Variants in FSTL4 observed in about 807,000 individuals in gnomAD.
FSTL4 encodes follistatin like 4.
FSTL4 carries 28 observed loss-of-function variants against 78.2 expected under a neutral mutation model. The observed-to-expected ratio is 0.36, with a 90% confidence interval of 0.27 to 0.49. The LOEUF (loss-of-function observed/expected upper bound fraction) is 0.49, where lower values mean the gene tolerates loss of function less well. Among genes scored for constraint, FSTL4 ranks in the 20% least tolerant of loss-of-function variants. The pLI, the probability that FSTL4 is intolerant of heterozygous loss-of-function variation, is 0.98. For missense variants in FSTL4, 922 were observed against 1,084.9 expected, an observed-to-expected ratio of 0.85 and a Z score of 2.11; for synonymous variants, 422 against 440.5, an observed-to-expected ratio of 0.96 and a Z score of 0.53.
the FSTL4 span, among the ~76,000 whole-genome samples, chr5:133,637,975 A>C: frequency 2.6e-5 from 4 of 151,216 alleles, no homozygotes; most frequent in East Asian, 5.8e-4. Flanking sequence ...TAATAATAAT[A>C]ATAAATTAAT....
rs114600446 is a variant in FSTL4, at chr5:133,564,847, C to T, written c.160+2339G>A. Among the ~76,000 whole-genome samples, 581 of 152,286 alleles carry T rather than the reference C, an allele frequency of 3.8e-3. 4 individuals carry two copies. Among genetic ancestry groups the T allele is most frequent in the African/African-American group, 0.013 (559 of 41,558 alleles). ...CACTTTGCCCCTACTGTCGCTAGTT[C>T]CCACTATGATTTGGCTTGGACTCGA... On this transcript the variant is annotated intron_variant, in intron 3 of 15. Coordinates refer to ENST00000265342, the MANE Select transcript of FSTL4 (RefSeq NM_015082.2).
the FSTL4 span, among the ~76,000 whole-genome samples, chr5:133,674,327 CT>C: frequency 6.6e-6 from 1 of 152,144 alleles, no homozygotes; most frequent in Non-Finnish European, 1.5e-5. Context: ...TACTACAAAG[CT>C]TTTGGCTATC....
At chr5:133,692,568 C>A in the FSTL4 span, among the ~76,000 whole-genome samples, 8 of 152,206 alleles carry the variant, frequency 5.3e-5, no homozygotes, top group Middle Eastern at 3.2e-3. Context: ...ACACGGAGAA[C>A]CCCTTGAATA....
the FSTL4 span, among the ~76,000 whole-genome samples, chr5:133,694,126 T>A: frequency 2.0e-5 from 3 of 152,182 alleles, no homozygotes; most frequent in African/African-American, 7.2e-5. Flanking sequence ...CAGACTGAAA[T>A]ATTCCCTCCC....
chr5:133,233,505 G>A lies in FSTL4; in HGVS notation c.927C>T (p.Thr309=). 2 of 1,614,134 alleles carry A rather than the reference G, an allele frequency of 1.2e-6. No individual in the cohort carries two copies. Among genetic ancestry groups the A allele is most frequent in the Non-Finnish European group, 1.7e-6 (2 of 1,179,966 alleles). The change falls in exon 8 of 16, where the codon ACC becomes ACT. Residue 309 remains threonine (T), a synonymous_variant. Coordinates refer to ENST00000265342, the MANE Select transcript of FSTL4 (RefSeq NM_015082.2). ...TGCCCATGTGGATGGTGGTCACCTT[G>A]GTGATGTACAGGGAATCATCCTCTC... ...DFGEDDSLYI[T]KVTTIHMGNY... is the part of the protein sequence containing the mutation.
At chr5:133,395,874 C>G (rs532619797) in intron 4 of FSTL4, among the ~76,000 whole-genome samples, 2 of 152,154 alleles carry the variant, frequency 1.3e-5, no homozygotes, top group Non-Finnish European at 2.9e-5. Context: ...CTGGCATTTC[C>G]TGAGAGCCCG....
At chr5:133,697,423 A>T in the FSTL4 span, among the ~76,000 whole-genome samples, 4 of 152,014 alleles carry the variant, frequency 2.6e-5, no homozygotes, top group African/African-American at 9.7e-5. Context: ...GACCATGCTG[A>T]CCTCTTCCCA....
chr5:133,384,729 G>A (rs1470769451), intron 4 of FSTL4, among the ~76,000 whole-genome samples: 1 of 152,182 alleles, frequency 6.6e-6, no homozygotes, highest in African/African-American at 2.4e-5. Context: ...CAGGCCTATG[G>A]TTTAAAACCC....
At chr5:133,437,260 A>G (rs556128581) in intron 3 of FSTL4, among the ~76,000 whole-genome samples, 1 of 152,138 alleles carries the variant, frequency 6.6e-6, no homozygotes, top group Non-Finnish European at 1.5e-5. Context: ...GCAGTTGGAC[A>G]TATTGGCCTG....
chr5:133,242,788 G>A (rs1430603927), intron 7 of FSTL4, among the ~76,000 whole-genome samples: 1 of 152,226 alleles, frequency 6.6e-6, no homozygotes, highest in Admixed American at 6.5e-5. Context: ...AAGCCTTTAA[G>A]TGCTTCAAAT....
At chr5:133,686,630 C>T in the FSTL4 span, among the ~76,000 whole-genome samples, 1 of 152,176 alleles carries the variant, frequency 6.6e-6, no homozygotes. Flanking sequence ...TACCTGCAGG[C>T]CAGGTGGGAT....
the FSTL4 span, among the ~76,000 whole-genome samples, chr5:133,646,573 T>C: frequency 1.3e-5 from 2 of 152,140 alleles, no homozygotes; most frequent in African/African-American, 2.4e-5. Flanking sequence ...GGGAGACAAG[T>C]TAGTAGACTG....
chr5:133,416,119 A>G (rs1055334413), intron 3 of FSTL4, among the ~76,000 whole-genome samples: 5 of 152,230 alleles, frequency 3.3e-5, no homozygotes, highest in African/African-American at 9.6e-5. Flanking sequence ...CAGGGAAAAA[A>G]TAAGAATAGC....
At chr5:133,234,937 C>A (rs78986565) in intron 7 of FSTL4, among the ~76,000 whole-genome samples, 12 of 152,178 alleles carry the variant, frequency 7.9e-5, no homozygotes, top group Admixed American at 2.0e-4. Flanking sequence ...CAAAACTCCT[C>A]TTGACCCCTG....
chr5:133,816,156 A>C, the FSTL4 span, among the ~76,000 whole-genome samples: 1 of 152,142 alleles, frequency 6.6e-6, no homozygotes, highest in South Asian at 2.1e-4. Context: ...AGCACCCTGG[A>C]AGCTGACCTA....
At chr5:133,614,660 C>T (rs576274873), upstream of FSTL4, among the ~76,000 whole-genome samples, 116 of 152,240 alleles carry the variant, frequency 7.6e-4, no homozygotes, top group African/African-American at 2.7e-3. Flanking sequence ...CTAGATTTCA[C>T]ACTGAGAATT....
chr5:133,329,603 C>G (rs773505958), intron 4 of FSTL4, among the ~76,000 whole-genome samples: 4 of 108,768 alleles, frequency 3.7e-5, no homozygotes, highest in Non-Finnish European at 7.4e-5. Context: ...GCTGGGAGGC[C>G]AGGCCCGTCT....
At chr5:133,250,678 C>T (rs1378360165) in intron 6 of FSTL4, among the ~76,000 whole-genome samples, 4 of 152,280 alleles carry the variant, frequency 2.6e-5, no homozygotes, top group African/African-American at 9.6e-5. Flanking sequence ...TGTGCTCACA[C>T]CCTCTTGCCC....
intron 14 of FSTL4, among the ~76,000 whole-genome samples, chr5:133,203,359 G>A (rs914444101): frequency 1.3e-5 from 2 of 152,216 alleles, no homozygotes; most frequent in Admixed American, 6.5e-5. Flanking sequence ...AGCTCTGGAT[G>A]CTTCTACTTT....
Sources: gnomAD v4.1 joint callset for allele counts (sites outside exome capture counted in the v4.1 genomes callset) on GRCh38, gnomAD v4.1.1 for gene constraint, MANE v1.5 for transcripts, NCBI Gene and HGNC (gene_info 2026-07-23, HGNC 2026-07-21) for gene names.